Variants in GATA2 observed in about 807,000 individuals in gnomAD.
GATA2 encodes endothelial transcription factor GATA-2.
A neutral mutation model predicts 35.7 loss-of-function variants in GATA2; 6 were observed. The observed-to-expected ratio is 0.17, with a 90% CI of 0.09 to 0.33. GATA2 has a LOEUF of 0.33. Ranked by LOEUF, GATA2 falls within the 10% of genes least tolerant of loss-of-function variation. The pLI, the probability that GATA2 is intolerant of heterozygous loss-of-function variation, is 1.00. For missense variants in GATA2, 541 were observed against 656.6 expected, an observed-to-expected ratio of 0.82 and a Z score of 1.92; for synonymous variants, 313 against 274.9, an observed-to-expected ratio of 1.14 and a Z score of -1.37.
rs147454351 is a variant in GATA2 at position 128,486,561 on chromosome 3, AG to A, written c.230-194del. Among the ~76,000 whole-genome samples the A allele has an allele frequency of 0.014, 2,158 of 152,202 alleles. 42 individuals carry two copies. Among genetic ancestry groups the A allele is most frequent in the African/African-American group, 0.049 (2,020 of 41,516 alleles). ...GTCCAAGCTGAAGGACAAGTGGCAT[AG>A]AAGGAACCCCACCGGACAGACCCTA... On this transcript the variant is annotated intron_variant, in intron 2 of 5. Coordinates refer to ENST00000341105, the MANE Select transcript of GATA2 (RefSeq NM_032638.5).
chr3:128,490,980 G>A (rs558819526), intron 1 of GATA2, among the ~76,000 whole-genome samples: 11 of 152,320 alleles, frequency 7.2e-5, no homozygotes, highest in South Asian at 2.1e-4. Flanking sequence ...TTGGGAACAA[G>A]ATTTCTCTGA....
Position 128,486,192 on chromosome 3 carries a change from C to T in GATA2, c.406G>A (p.Gly136Ser). The change falls in exon 3 of 6, where the codon GGC (glycine) becomes AGC (serine). Residue 136 changes from glycine to serine, a missense_variant. Coordinates refer to ENST00000341105, the MANE Select transcript of GATA2 (RefSeq NM_032638.5). ...LHPSAAGGPG[G>S]PLSVYPGAGG... ...GCCCCTGGGTACACAGAGAGTGGGC[C>T]TCCAGGGCCTCCAGCAGCTGAGGGG... The T allele has an allele frequency of 6.4e-7, 1 of 1,560,446 alleles. No homozygotes were observed. Among genetic ancestry groups the T allele is most frequent in the Non-Finnish European group, 8.7e-7 (1 of 1,152,546 alleles).
chr3:128,480,022 A>T lies in GATA2; in HGVS notation c.*997T>A, dbSNP rs541285401. ...GTGGGATCCCAGCTCTTTTCCAAAA[A>T]GAATTGCAAAGCTCCAACCTTGTGT... On this transcript the variant is annotated 3_prime_UTR_variant, in exon 6 of 6. Coordinates refer to ENST00000341105, the MANE Select transcript of GATA2 (RefSeq NM_032638.5). 5 of 233,132 alleles carry T rather than the reference A, an allele frequency of 2.1e-5. No individual in the cohort carries two copies. The South Asian group carries it at 5.4e-4, about 25-fold the overall frequency. The allele number at this position is 233,132 out of a possible 1,614,324, so 14.4% of individuals were successfully genotyped here.
At chr3:128,484,473 T>C (rs1244045867) in intron 3 of GATA2, among the ~76,000 whole-genome samples, 5 of 152,176 alleles carry the variant, frequency 3.3e-5, no homozygotes, top group African/African-American at 1.2e-4. Context: ...CACCCCGTCT[T>C]TCTGCTCTAA....
In GATA2 at chr3:128,486,973, T is replaced by G. The variant is rs1303947441; in HGVS notation, c.59A>C (p.Gln20Pro). 4 of 1,610,902 alleles carry G rather than the reference T, an allele frequency of 2.5e-6. No homozygotes were observed. The highest frequency in any genetic ancestry group is 3.4e-6 in the Non-Finnish European group (4 of 1,178,664). Residue 20 changes from glutamine to proline, a missense_variant, in exon 2 of 6, where the codon CAG (glutamine) becomes CCG (proline). Physicochemically the swap from Gln to Pro is moderately conservative, Grantham distance 76. This residue lies in a region of GATA2 where 389 missense variants were observed against 396.9 expected (regional missense o/e 0.98). Transcript: ENST00000341105. ...GCCCGGGTGGTGTGAGTCGGGGTGC[T>G]GCGCATTCAGCACGGCCGGGTGCGC... ...WMAHPAVLNA[Q>P]HPDSHHPGLA...
Position 128,481,962 on chromosome 3 carries a change from C to T in GATA2, c.1018-18G>A, listed in dbSNP as rs779303676. 7 of 1,612,060 alleles carry T rather than the reference C, an allele frequency of 4.3e-6. No individual in the cohort carries two copies. Among genetic ancestry groups the T allele is most frequent in the South Asian group, 2.2e-5 (2 of 91,086 alleles). Reference sequence around the variant, plus strand: ...GCGGCCGACTGGGAGGGCAAGGCAGCGTCAGCAGGCTGGACTCCCACGCCC... The same window carrying T: ...GCGGCCGACTGGGAGGGCAAGGCAGTGTCAGCAGGCTGGACTCCCACGCCC... On this transcript the variant is annotated intron_variant, in intron 4 of 5. Transcript: ENST00000341105.
intron 1 of GATA2, chr3:128,487,775 C>A (rs1806462): frequency 0.42 from 64,563 of 152,068 alleles, 14,058 homozygotes; most frequent in African/African-American, 0.47. Flanking sequence ...GCGGGAGCCC[C>A]GAGGGCGACG....
intron 5 of GATA2, 37 bp from the exon 6 acceptor site, chr3:128,481,355 T>A: frequency 3.7e-6 from 6 of 1,602,086 alleles, no homozygotes; most frequent in Non-Finnish European, 4.2e-6. Context: ...GGCCAGTTCC[T>A]TCCTCCAGCA....
chr3:128,484,128 G>A, intron 3 of GATA2, 123 bp from the exon 4 acceptor site: 2 of 1,254,380 alleles, frequency 1.6e-6, no homozygotes, highest in South Asian at 2.8e-5. Flanking sequence ...GGTTGGCCTG[G>A]GCCTGGCTGC....
Position 128,480,804 on chromosome 3 carries a change from C to T in GATA2, c.*215G>A, listed in dbSNP as rs1045344271. 3 of 559,018 alleles carry T rather than the reference C, an allele frequency of 5.4e-6. No individual in the cohort carries two copies. In the African/African-American group the frequency reaches 5.6e-5, roughly 10 times the overall value. 34.6% of individuals were successfully genotyped at this position (559,018 alleles called of 1,614,324 possible). A position where few individuals can be genotyped will look rare whatever the true frequency, so the allele number is the denominator to read the frequency against. On this transcript the variant is annotated 3_prime_UTR_variant, in exon 6 of 6. Coordinates refer to ENST00000341105, the MANE Select transcript of GATA2 (RefSeq NM_032638.5). ...TCCAAACAACTGTCCATGCAGGAAA[C>T]CCCACCTGGGCAGCGGTCAGGTGCG...
intron 4 of GATA2, among the ~76,000 whole-genome samples, chr3:128,483,225 T>C (rs567241282): frequency 6.6e-6 from 1 of 152,296 alleles, no homozygotes; most frequent in Non-Finnish European, 1.5e-5. Context: ...GTATTAGAAA[T>C]TTCAAAACAG....
At chr3:128,487,332 C>G (rs775810069) in intron 1 of GATA2, among the ~76,000 whole-genome samples, 4 of 152,318 alleles carry the variant, frequency 2.6e-5, no homozygotes, top group Non-Finnish European at 5.9e-5. Flanking sequence ...GGGGACGGGT[C>G]CCGACACCAG....
intron 3 of GATA2, 78 bp downstream of exon 3, chr3:128,485,639 ACACTGCCACC>A: frequency 6.7e-7 from 1 of 1,497,336 alleles, no homozygotes; most frequent in Non-Finnish European, 9.1e-7. Flanking sequence ...TGGGAAACCA[ACACTGCCACC>A]TCTCCCAAGT....
chr3:128,480,415 T>C lies in GATA2; in HGVS notation c.*604A>G, dbSNP rs928264611. 8.5e-6 allele frequency: 2 copies of C among 235,270 alleles called. No homozygotes were observed. Among genetic ancestry groups the C allele is most frequent in the Non-Finnish European group, 1.7e-5 (2 of 119,506 alleles). 14.6% of individuals were successfully genotyped at this position (235,270 alleles called of 1,614,324 possible). A position where few individuals can be genotyped will look rare whatever the true frequency, so the allele number is the denominator to read the frequency against. ...ATCTGTGCAGGACCGCCCGTGATTGTCTCTGCCCTCCAGGGCCTGGCCCGT... is the reference window on the plus strand; with the variant it reads ...ATCTGTGCAGGACCGCCCGTGATTGCCTCTGCCCTCCAGGGCCTGGCCCGT... On this transcript the variant is annotated 3_prime_UTR_variant, in exon 6 of 6. Transcript: ENST00000341105.
At chr3:128,485,252 T>G (rs749524079) in intron 3 of GATA2, among the ~76,000 whole-genome samples, 2 of 152,146 alleles carry the variant, frequency 1.3e-5, no homozygotes, top group Non-Finnish European at 2.9e-5. Context: ...CTGATTGAGT[T>G]AGAGACCCAG....
chr3:128,480,034 C>G lies in GATA2; in HGVS notation c.*985G>C, dbSNP rs975057835. On this transcript the variant is annotated 3_prime_UTR_variant, in exon 6 of 6. Coordinates refer to ENST00000341105, the MANE Select transcript of GATA2 (RefSeq NM_032638.5). Reference sequence around the variant, plus strand: ...CTCTTTTCCAAAAAGAATTGCAAAGCTCCAACCTTGTGTGTAGGTTTTATT... The same window carrying G: ...CTCTTTTCCAAAAAGAATTGCAAAGGTCCAACCTTGTGTGTAGGTTTTATT... The G allele has an allele frequency of 2.1e-5, 5 of 233,072 alleles. No homozygotes were observed. In the Admixed American group the frequency reaches 2.8e-4, roughly 13 times the overall value. The allele number at this position is 233,072 out of a possible 1,614,324, so 14.4% of individuals were successfully genotyped here. A position where few individuals can be genotyped will look rare whatever the true frequency, so the allele number is the denominator to read the frequency against.
chr3:128,485,693 C>G (rs1330096409), intron 3 of GATA2, 34 bp downstream of exon 3: 2 of 1,608,222 alleles, frequency 1.2e-6, no homozygotes, highest in African/African-American at 2.7e-5. Context: ...CAAATGCTCC[C>G]CTCTTCCACG....
Position 128,485,980 on chromosome 3 carries a change from C to T in GATA2, c.618G>A (p.Glu206=). ...CCTGGTACTTGACGCCGTCCTTGTC[C>T]TCTCCTCGGGCTGCACTACCCCCCG... The part of the protein sequence containing the change: ...SSAGGSAARG[E]DKDGVKYQVS... The change falls in exon 3 of 6, where the codon GAG becomes GAA. Residue 206 remains glutamate, a synonymous_variant. Coordinates refer to ENST00000341105, the MANE Select transcript of GATA2 (RefSeq NM_032638.5). 3 of 1,614,216 alleles carry T rather than the reference C, an allele frequency of 1.9e-6. No homozygotes were observed. The highest frequency in any genetic ancestry group is 2.5e-6 in the Non-Finnish European group (3 of 1,180,036).
chr3:128,484,018 A>G lies in GATA2; in HGVS notation c.872-13T>C, dbSNP rs1372175745. The G allele has an allele frequency of 6.2e-7, 1 of 1,611,330 alleles. No homozygotes were observed. Among genetic ancestry groups the G allele is most frequent in the Non-Finnish European group, 8.5e-7 (1 of 1,179,142 alleles). The stretch of plus-strand genomic sequence containing the variant: ...CACTCCCGGCCTTCTGCAGGGGAAC[A>G]GGGAGAGACACGGGGGCCTGCTTAA... On this transcript the variant is annotated splice_polypyrimidine_tract_variant and intron_variant, in intron 3 of 5. Transcript: ENST00000341105.
Sources: gnomAD v4.1 joint callset for allele counts (sites outside exome capture counted in the v4.1 genomes callset) on GRCh38, gnomAD v4.1.1 for gene constraint, gnomAD v4.1.1 regional missense constraint, MANE v1.5 for transcripts, NCBI Gene and HGNC (gene_info 2026-07-23, HGNC 2026-07-21) for gene names.